The following HNF1B variants were observed in gnomAD, a reference collection of about 807,000 sequenced individuals.
The protein encoded by HNF1B is HNF1 homeobox B.
A neutral mutation model predicts 61.7 loss-of-function variants in HNF1B; 8 were observed. That is an observed-to-expected ratio of 0.13 (90% CI 0.08 to 0.23). The LOEUF (loss-of-function observed/expected upper bound fraction) is 0.23. HNF1B is among the 10% of genes least tolerant of loss of function. HNF1B has a pLI of 1.00. For synonymous variants in HNF1B, 314 were observed against 287.7 expected (o/e 1.09, Z -0.93); for missense variants, 562 against 714.5 (o/e 0.79, Z 2.43).
At chr17:37,742,979 T>C (rs1490361472) in intron 1 of HNF1B, among the ~76,000 whole-genome samples, 1 of 143,834 alleles carries the variant, frequency 7.0e-6, no homozygotes, top group Non-Finnish European at 1.5e-5. Context: ...TTCAACCTAA[T>C]CACGGCTCTT....
At chr17:37,699,836 G>A (rs2032505306) in intron 7 of HNF1B, among the ~76,000 whole-genome samples, 1 of 152,308 alleles carries the variant, frequency 6.6e-6, no homozygotes, top group African/African-American at 2.4e-5. Flanking sequence ...AGTGGGGATT[G>A]AGCCCTGAAG....
intron 8 of HNF1B, among the ~76,000 whole-genome samples, chr17:37,694,469 A>C (rs1463527833): frequency 8.1e-6 from 1 of 123,120 alleles, no homozygotes; most frequent in African/African-American, 3.1e-5. Context: ...AAAAAAAGAT[A>C]CTTGAAGATG....
chr17:37,711,547 G>A (rs765425910), intron 4 of HNF1B, among the ~76,000 whole-genome samples: 34 of 152,312 alleles, frequency 2.2e-4, no homozygotes, highest in Middle Eastern at 6.8e-3. Flanking sequence ...ACAGAGATCA[G>A]GCAACTGAAG....
In HNF1B at chr17:37,744,915, G is replaced by A. The variant is rs771697321; in HGVS notation, c.-31C>T. ...AAGGACGGAAAAAGAAGGGGGTGAG[G>A]GGGTGGGTGGGTGCGAGAGAGGAGG... On this transcript the variant is annotated 5_prime_UTR_variant, in exon 1 of 9. Coordinates refer to ENST00000617811, the MANE Select transcript of HNF1B (RefSeq NM_000458.4). 6 of 1,392,514 alleles carry A rather than the reference G, an allele frequency of 4.3e-6. No homozygotes were observed. The highest frequency in any genetic ancestry group is 1.9e-4 in the Middle Eastern group (1 of 5,222). The allele number at this position is 1,392,514 out of a possible 1,614,324, so 86.3% of individuals were successfully genotyped here. A position where few individuals can be genotyped will look rare whatever the true frequency, so the allele number is the denominator to read the frequency against.
Position 37,731,941 on chromosome 17 carries a change from G to A in HNF1B, c.810-111C>T, listed in dbSNP as rs77609553. On this transcript the variant is annotated intron_variant, in intron 3 of 8. Transcript: ENST00000617811. ...TCTTGGTTGGGAGTATGAAGGGGCC[G>A]TGGGCAGAATGGAAGGCTGGGGAGG... 3.5e-4 allele frequency: 251 copies of A among 727,256 alleles called. 1 individual carries two copies. Among genetic ancestry groups the A allele is most frequent in the African/African-American group, 3.4e-3 (195 of 57,800 alleles). The allele number at this position is 727,256 out of a possible 1,614,324, so 45.1% of individuals were successfully genotyped here. A position where few individuals can be genotyped will look rare whatever the true frequency, so the allele number is the denominator to read the frequency against.
intron 4 of HNF1B, among the ~76,000 whole-genome samples, chr17:37,711,667 C>G (rs951498880): frequency 6.6e-6 from 1 of 152,214 alleles, no homozygotes; most frequent in Non-Finnish European, 1.5e-5. Context: ...CACCCCTAAG[C>G]TCAGTGCTTA....
chr17:37,744,575 C>T lies in HNF1B; in HGVS notation c.310G>A (p.Ala104Thr), dbSNP rs1490161010. 1 of 1,606,086 alleles carries T rather than the reference C, an allele frequency of 6.2e-7. No homozygotes were observed. The highest frequency in any genetic ancestry group is 1.7e-5 in the Admixed American group (1 of 60,028). The change falls in exon 1 of 9, where the codon GCG becomes ACG. Residue 104 changes from alanine (A) to threonine (T), a missense_variant. Coordinates refer to ENST00000617811, the MANE Select transcript of HNF1B (RefSeq NM_000458.4). ...CGGTCCACCTCCGCCCGCTGCTCCG[C>T]CGCCTCCTCGGTGTTGAGCGCCTGC... ...ELQALNTEEA[A>T]EQRAEVDRML... is the part of the protein sequence containing the mutation.
chr17:37,701,429 T>C (rs1409312626), intron 6 of HNF1B, among the ~76,000 whole-genome samples: 2 of 152,004 alleles, frequency 1.3e-5, no homozygotes, highest in African/African-American at 4.8e-5. Flanking sequence ...TCTCCCAGAG[T>C]CATCCTGTGA....
intron 4 of HNF1B, among the ~76,000 whole-genome samples, chr17:37,727,669 T>C (rs1435921107): frequency 1.3e-5 from 2 of 152,174 alleles, no homozygotes; most frequent in African/African-American, 4.8e-5. Flanking sequence ...GTGCTCCTCC[T>C]GCCACCCCTA....
rs374143775 is a variant in HNF1B at position 37,744,934 on chromosome 17, G to C, written c.-50C>G. 56 of 1,405,768 alleles carry C rather than the reference G, an allele frequency of 4.0e-5. No individual in the cohort carries two copies. In the African/African-American group the frequency reaches 6.9e-4, roughly 17 times the overall value. The allele number at this position is 1,405,768 out of a possible 1,614,324, so 87.1% of individuals were successfully genotyped here. On this transcript the variant is annotated 5_prime_UTR_variant, in exon 1 of 9. Coordinates refer to ENST00000617811, the MANE Select transcript of HNF1B (RefSeq NM_000458.4). ...GGTGAGGGGGTGGGTGGGTGCGAGA[G>C]AGGAGGGTGGAGGGGAGTTTCACAA...
intron 4 of HNF1B, 33 bp from the exon 5 acceptor site, chr17:37,710,696 T>G: frequency 6.2e-7 from 1 of 1,602,846 alleles, no homozygotes; most frequent in Non-Finnish European, 8.5e-7. Flanking sequence ...TAGGGAACAT[T>G]AGTGCCACCA....
intron 4 of HNF1B, among the ~76,000 whole-genome samples, chr17:37,716,860 C>A (rs2033138039): frequency 6.6e-6 from 1 of 150,706 alleles, no homozygotes; most frequent in African/African-American, 2.5e-5. Context: ...CTCTCTCTCT[C>A]TCTCTCTCTC....
intron 4 of HNF1B, among the ~76,000 whole-genome samples, chr17:37,715,611 G>C (rs1283537358): frequency 6.6e-6 from 1 of 152,174 alleles, no homozygotes; most frequent in East Asian, 1.9e-4. Flanking sequence ...TCGGTCCACT[G>C]TGTGCACTGG....
chr17:37,689,257 C>T (rs2032106708), intron 8 of HNF1B, among the ~76,000 whole-genome samples: 1 of 152,028 alleles, frequency 6.6e-6, no homozygotes, highest in South Asian at 2.1e-4. Context: ...TCCTCTGATA[C>T]CCTTTGCCTC....
At chr17:37,734,789 C>CTTTT (rs67472247) in intron 2 of HNF1B, among the ~76,000 whole-genome samples, 8 of 140,690 alleles carry the variant, frequency 5.7e-5, no homozygotes, top group Admixed American at 2.2e-4. Context: ...ATCTTAATAT[C>CTTTT]TTTTTTTTTT....
intron 5 of HNF1B, among the ~76,000 whole-genome samples, chr17:37,705,931 C>T (rs1325833440): frequency 6.6e-6 from 1 of 152,166 alleles, no homozygotes; most frequent in Admixed American, 6.5e-5. Flanking sequence ...TTCCATGATA[C>T]ATTAGTTTAC....
intron 8 of HNF1B, among the ~76,000 whole-genome samples, chr17:37,693,456 C>T (rs2032276581): frequency 6.6e-6 from 1 of 152,180 alleles, no homozygotes; most frequent in African/African-American, 2.4e-5. Flanking sequence ...TAGCTCAGGT[C>T]TGCTGGCGTT....
intron 2 of HNF1B, among the ~76,000 whole-genome samples, chr17:37,735,717 A>T (rs2033813320): frequency 6.6e-6 from 1 of 152,144 alleles, no homozygotes; most frequent in Admixed American, 6.5e-5. Flanking sequence ...ATCTACCCCT[A>T]GTCAGGATGA....
At chr17:37,700,113 T>A (rs1046117748) in intron 7 of HNF1B, among the ~76,000 whole-genome samples, 1 of 54,968 alleles carries the variant, frequency 1.8e-5, no homozygotes, top group Non-Finnish European at 3.7e-5. Context: ...ACACAGCTGG[T>A]AAGTATCACA....
Sources: allele counts gnomAD v4.1 joint callset (sites outside exome capture counted in the v4.1 genomes callset), GRCh38; gene constraint gnomAD v4.1.1; transcripts MANE v1.5; gene names NCBI Gene and HGNC (gene_info 2026-07-23, HGNC 2026-07-21).